Variants in RIT2 observed in about 807,000 individuals in gnomAD.
RIT2 encodes the protein Ras like without CAAX 2, also known as GTP-binding protein Rit2.
In RIT2, 24 loss-of-function variants were observed where a neutral mutation model predicts 23.7. The ratio of observed to expected loss-of-function variants is 1.01; its 90% confidence interval spans 0.73 to 1.43. RIT2 has a LOEUF of 1.43. Ranked by LOEUF, RIT2 falls within the 40% of genes most tolerant of loss-of-function variation. The pLI is 0.00. For synonymous variants in RIT2, 107 were observed against 91.1 expected, an observed-to-expected ratio of 1.17 and a Z score of -0.99; for missense variants, 236 against 266.9, an observed-to-expected ratio of 0.88 and a Z score of 0.81.
At chr18:42,939,682 A>G (rs1434295202) in intron 3 of RIT2, among the ~76,000 whole-genome samples, 1 of 151,984 alleles carries the variant, frequency 6.6e-6, no homozygotes, top group Non-Finnish European at 1.5e-5. Flanking sequence ...TTTGCAAAGA[A>G]AAAAAAATGC....
At position 42,983,625 on chromosome 18, in the gene RIT2, A is replaced by T. The variant is rs535770738; in HGVS notation, c.161-9478T>A. On this transcript the variant is annotated intron_variant, in intron 2 of 4. Coordinates refer to ENST00000326695, the MANE Select transcript of RIT2 (RefSeq NM_002930.4). The stretch of plus-strand genomic sequence containing the variant: ...ATTTGACAAAAAACTCATGTTTAAC[A>T]TATATAAATAACTCTCAAAACTCAA... Among the ~76,000 whole-genome samples the T allele has an allele frequency of 1.4e-4, 21 of 152,200 alleles. No individual in the cohort carries two copies. The South Asian group carries it at 4.1e-3, about 30-fold the overall frequency.
chr18:43,083,221 A>G (rs1323785736), intron 1 of RIT2, among the ~76,000 whole-genome samples: 1 of 152,188 alleles, frequency 6.6e-6, no homozygotes, highest in South Asian at 2.1e-4. Flanking sequence ...TGCTCAAGAA[A>G]ATAAGAGAGG....
intron 3 of RIT2, among the ~76,000 whole-genome samples, chr18:42,959,593 G>A (rs1910051296): frequency 6.6e-6 from 1 of 152,172 alleles, no homozygotes; most frequent in African/African-American, 2.4e-5. Flanking sequence ...TGGAATGGAG[G>A]GCCCAGGCTA....
At chr18:42,968,178 T>A (rs1241312080) in intron 3 of RIT2, among the ~76,000 whole-genome samples, 1 of 152,206 alleles carries the variant, frequency 6.6e-6, no homozygotes, top group Admixed American at 6.5e-5. Flanking sequence ...TTTTCAACTA[T>A]GCATGTTTAA....
chr18:43,111,984 T>C (rs1225564569), intron 1 of RIT2, among the ~76,000 whole-genome samples: 1 of 151,278 alleles, frequency 6.6e-6, no homozygotes, highest in Non-Finnish European at 1.5e-5. Flanking sequence ...ATTATAAAAA[T>C]ATAAATACAA....
chr18:43,011,452 G>A (rs952497112), intron 2 of RIT2, among the ~76,000 whole-genome samples: 1 of 151,616 alleles, frequency 6.6e-6, no homozygotes, highest in East Asian at 1.9e-4. Flanking sequence ...GCGATTTTGG[G>A]CATGGATTGC....
At chr18:42,974,483 G>A (rs1463558258) in intron 2 of RIT2, among the ~76,000 whole-genome samples, 1 of 151,958 alleles carries the variant, frequency 6.6e-6, no homozygotes, top group African/African-American at 2.4e-5. Flanking sequence ...TAATGGTAAA[G>A]TCCTGAAAGC....
At chr18:42,912,302 TA>T (rs1285712016) in intron 4 of RIT2, among the ~76,000 whole-genome samples, 1 of 151,668 alleles carries the variant, frequency 6.6e-6, no homozygotes, top group Admixed American at 6.6e-5. Flanking sequence ...GAATACCTAT[TA>T]AAAAAACTAC....
chr18:42,882,541 G>C (rs16977072), intron 4 of RIT2, among the ~76,000 whole-genome samples: 2,197 of 152,266 alleles, frequency 0.014, 51 homozygotes, highest in African/African-American at 0.049. Context: ...CTGGTTAGCT[G>C]GTGAAAATGA....
At chr18:43,105,482 G>GAGGAAGGGAGGAAGAA (rs1393951115) in intron 1 of RIT2, among the ~76,000 whole-genome samples, 4 of 143,654 alleles carry the variant, frequency 2.8e-5, no homozygotes, top group African/African-American at 1.0e-4. Context: ...GAGAGGAAGG[G>GAGGAAGGGAGGAAGAA]AGGAAGGGAG....
intron 4 of RIT2, among the ~76,000 whole-genome samples, chr18:42,893,120 CAGG>C (rs1175738193): frequency 6.6e-6 from 1 of 151,482 alleles, no homozygotes; most frequent in African/African-American, 2.4e-5. Flanking sequence ...ACCAGCTACT[CAGG>C]AGGCTGAGGC....
At chr18:43,105,790 G>A (rs535818105) in intron 1 of RIT2, among the ~76,000 whole-genome samples, 8 of 152,206 alleles carry the variant, frequency 5.3e-5, no homozygotes, top group South Asian at 4.1e-4. Flanking sequence ...AGTATGAACC[G>A]TTACAGTAGT....
At chr18:42,954,842 T>C (rs1909935850) in intron 3 of RIT2, among the ~76,000 whole-genome samples, 1 of 152,140 alleles carries the variant, frequency 6.6e-6, no homozygotes, top group South Asian at 2.1e-4. Flanking sequence ...TCACTTTACA[T>C]TTACCACCTC....
chr18:43,060,976 C>T (rs1912630192), intron 1 of RIT2, among the ~76,000 whole-genome samples: 1 of 151,844 alleles, frequency 6.6e-6, no homozygotes, highest in African/African-American at 2.4e-5. Flanking sequence ...CATGGCATAC[C>T]CATAGCAAGT....
chr18:42,822,129 G>C (rs1440808621), intron 4 of RIT2, among the ~76,000 whole-genome samples: 4 of 152,144 alleles, frequency 2.6e-5, no homozygotes, highest in Admixed American at 6.6e-5. Context: ...TTGGAGATAT[G>C]AGACACTGCC....
intron 4 of RIT2, among the ~76,000 whole-genome samples, chr18:42,845,439 AT>A (rs928586661): frequency 1.7e-4 from 26 of 150,474 alleles, no homozygotes; most frequent in South Asian, 2.1e-4. Flanking sequence ...ATATAATTTT[AT>A]TTTTTTAAGG....
chr18:42,862,358 T>G (rs1313436380), intron 4 of RIT2, among the ~76,000 whole-genome samples: 1 of 152,206 alleles, frequency 6.6e-6, no homozygotes, highest in Non-Finnish European at 1.5e-5. Context: ...CCCAGCCATG[T>G]GGACCTGTGA....
chr18:43,063,658 T>C (rs1912704474), intron 1 of RIT2, among the ~76,000 whole-genome samples: 1 of 152,146 alleles, frequency 6.6e-6, no homozygotes, highest in Non-Finnish European at 1.5e-5. Context: ...GGGTACAGAT[T>C]TTTCTGGAAA....
At chr18:43,028,326 T>C (rs1443075682) in intron 2 of RIT2, among the ~76,000 whole-genome samples, 1 of 151,918 alleles carries the variant, frequency 6.6e-6, no homozygotes, top group African/African-American at 2.4e-5. Context: ...GAGCAGAAGG[T>C]AGGTGTTTAA....
Sources: allele counts gnomAD v4.1 joint callset (sites outside exome capture counted in the v4.1 genomes callset), GRCh38; gene constraint gnomAD v4.1.1; transcripts MANE v1.5; gene names NCBI Gene and HGNC (gene_info 2026-07-23, HGNC 2026-07-21).